Variants in RYR3 observed in about 807,000 individuals in gnomAD.
RYR3 encodes the protein brain ryanodine receptor-calcium release channel.
RYR3 carries 207 observed loss-of-function variants against 584.3 expected under a neutral mutation model. The observed-to-expected ratio is 0.35, with a 90% confidence interval of 0.32 to 0.40. RYR3 has a LOEUF of 0.40. RYR3 is among the 10% of genes least tolerant of loss of function. RYR3 has a pLI of 1.00. For missense variants in RYR3, 5,616 were observed against 6,089.2 expected (o/e 0.92, Z 2.59); for synonymous variants, 2,416 against 2,248.5 (o/e 1.07, Z -2.11).
chr15:33,430,174 C>A (rs2045010595), intron 1 of RYR3, among the ~76,000 whole-genome samples: 1 of 152,262 alleles, frequency 6.6e-6, no homozygotes, highest in African/African-American at 2.4e-5. Flanking sequence ...CAAAGCCAAA[C>A]ACTTATATCA....
At chr15:33,834,466 G>T (rs2077907468) in intron 86 of RYR3, among the ~76,000 whole-genome samples, 1 of 135,854 alleles carries the variant, frequency 7.4e-6, no homozygotes, top group African/African-American at 2.8e-5. Context: ...TTATTACACA[G>T]ATTTCTTTTC....
In RYR3 at chr15:33,738,482, G is replaced by C; in HGVS notation, c.7548G>C (p.Lys2516Asn). The change falls in exon 50 of 104, where the codon AAG (lysine) becomes AAC (asparagine). Residue 2516 changes from lysine to asparagine, a missense_variant. Coordinates refer to ENST00000634891, the MANE Select transcript of RYR3 (RefSeq NM_001036.6). Reference sequence around the variant, plus strand: ...CGAATCACTATGAACAGTGTTGGAAGTATTACTGCCTGCCTTCAGGATGGG... The same window carrying C: ...CGAATCACTATGAACAGTGTTGGAACTATTACTGCCTGCCTTCAGGATGGG... ...LLTNHYEQCW[K>N]YYCLPSGWGS... 1 of 1,613,960 alleles carries C rather than the reference G, an allele frequency of 6.2e-7. No individual in the cohort carries two copies.
At chr15:33,647,289 G>A in intron 29 of RYR3, 135 bp from the exon 30 acceptor site, 3 of 662,410 alleles carry the variant, frequency 4.5e-6, no homozygotes, top group South Asian at 1.9e-5. Context: ...AAGACTGGTT[G>A]CAATCACTTG....
intron 1 of RYR3, among the ~76,000 whole-genome samples, chr15:33,352,963 G>A (rs893815781): frequency 7.2e-5 from 11 of 152,052 alleles, no homozygotes; most frequent in East Asian, 1.9e-4. Context: ...AATCTACCCC[G>A]GACCTAACAT....
chr15:33,414,862 G>A (rs2043682479), intron 1 of RYR3, among the ~76,000 whole-genome samples: 1 of 152,178 alleles, frequency 6.6e-6, no homozygotes, highest in Non-Finnish European at 1.5e-5. Context: ...CAAAGTGCTG[G>A]GATTACAGGC....
intron 1 of RYR3, among the ~76,000 whole-genome samples, chr15:33,418,548 G>C (rs1344364190): frequency 1.3e-5 from 2 of 152,102 alleles, no homozygotes; most frequent in African/African-American, 4.8e-5. Flanking sequence ...CAGGTAGCAA[G>C]AGGAGGAAAG....
chr15:33,734,207 T>G (rs951437848), intron 48 of RYR3, among the ~76,000 whole-genome samples: 8 of 152,206 alleles, frequency 5.3e-5, no homozygotes, highest in Non-Finnish European at 8.8e-5. Context: ...ATTATGTTAC[T>G]GCTTCATTCA....
In RYR3 at chr15:33,864,149, TG is replaced by T. The variant is rs1889560467; in HGVS notation, c.14478del (p.Met4826IlefsTer3). On this transcript the variant is annotated frameshift_variant, in exon 103 of 104. Transcript: ENST00000634891. LOFTEE classifies it high-confidence loss of function. ...TTTCCTCGTTCCAGGTTCTTTCTGA[TG>T]TATTTGATTAATAAAGATGAAACAG... ...HNLANYLFFL[M>X]YLINKDETEH... The T allele has an allele frequency of 6.2e-7, 1 of 1,611,820 alleles. No individual in the cohort carries two copies. The highest frequency in any genetic ancestry group is 1.3e-5 in the African/African-American group (1 of 74,914).
chr15:33,323,299 G>A (rs1051475099), intron 1 of RYR3, among the ~76,000 whole-genome samples: 2 of 147,414 alleles, frequency 1.4e-5, no homozygotes, highest in South Asian at 2.1e-4. Context: ...TAGTAGAGAC[G>A]GGGTTTCACC....
At chr15:33,667,474 C>G (rs999598133) in intron 36 of RYR3, among the ~76,000 whole-genome samples, 14 of 152,126 alleles carry the variant, frequency 9.2e-5, no homozygotes, top group African/African-American at 3.1e-4. Context: ...TTTTTCATGT[C>G]ACATTACAGT....
At chr15:33,781,290 G>A (rs2074366338) in intron 65 of RYR3, among the ~76,000 whole-genome samples, 2 of 152,122 alleles carry the variant, frequency 1.3e-5, no homozygotes, top group East Asian at 3.9e-4. Flanking sequence ...CATCTATTCT[G>A]AAGCAAAAAT....
In RYR3 at chr15:33,756,379, TG is replaced by T; in HGVS notation, c.8583+8del. On this transcript the variant is annotated splice_region_variant and intron_variant, in intron 59 of 103. Transcript: ENST00000634891. ...AGATCAAATTCTTTGCCAAAGTAAG[TG>T]GCCCTGCACTTAATCAAATTACTTT... The T allele has an allele frequency of 3.2e-6, 5 of 1,564,044 alleles. No individual in the cohort carries two copies. The highest frequency in any genetic ancestry group is 4.3e-6 in the Non-Finnish European group (5 of 1,151,312).
At chr15:33,715,330 A>G (rs2067415818) in intron 43 of RYR3, among the ~76,000 whole-genome samples, 1 of 152,250 alleles carries the variant, frequency 6.6e-6, no homozygotes. Context: ...TTTTGTTCTC[A>G]AATTTATAAA....
At chr15:33,683,089 G>A (rs1407407137) in intron 38 of RYR3, among the ~76,000 whole-genome samples, 1 of 151,912 alleles carries the variant, frequency 6.6e-6, no homozygotes. Context: ...CCGCCTCCCG[G>A]GTTCATGCCA....
chr15:33,744,846 C>G (rs1029407631), intron 52 of RYR3, among the ~76,000 whole-genome samples: 2 of 152,228 alleles, frequency 1.3e-5, no homozygotes, highest in East Asian at 1.9e-4. Context: ...GTTTACAGGT[C>G]ATTTGAAAAC....
In RYR3 at chr15:33,663,556, A is replaced by G. The variant is rs372615267; in HGVS notation, c.5438A>G (p.Tyr1813Cys). 1.2e-6 allele frequency: 2 copies of G among 1,613,820 alleles called. No individual in the cohort carries two copies. The highest frequency in any genetic ancestry group is 1.1e-5 in the South Asian group (1 of 90,990). Reference protein sequence around the residue: ...VKLQMCELLSYLCDCELQHRV... With the variant: ...VKLQMCELLSCLCDCELQHRV... ...TTGCAGATGTGTGAGCTCCTCAGCT[A>G]TCTCTGCGACTGTGAGCTGCAGCAC... is the stretch of plus-strand genomic sequence containing the variant. Residue 1813 changes from tyrosine to cysteine, a missense_variant, in exon 36 of 104, where the codon TAT becomes TGT. Tyr to Cys is a radical substitution (Grantham distance 194). Coordinates refer to ENST00000634891, the MANE Select transcript of RYR3 (RefSeq NM_001036.6).
In RYR3 at chr15:33,556,953, G is replaced by T. The variant is rs142409206; in HGVS notation, c.973-5884G>T. Among the ~76,000 whole-genome samples, 513 of 151,928 alleles carry T rather than the reference G, an allele frequency of 3.4e-3. 3 individuals are homozygous for T. The highest frequency in any genetic ancestry group is 0.012 in the African/African-American group (489 of 41,418). On this transcript the variant is annotated intron_variant, in intron 10 of 103. Transcript: ENST00000634891. Reference sequence around the variant, plus strand: ...AACTCAAAATTTGTATGAACCTAAAGCCATTTTCTAATAGTAGTATATGTT... The same window carrying T: ...AACTCAAAATTTGTATGAACCTAAATCCATTTTCTAATAGTAGTATATGTT...
In RYR3 at chr15:33,674,203, A is replaced by G. The variant is rs140344640; in HGVS notation, c.5860+3647A>G. On this transcript the variant is annotated intron_variant, in intron 38 of 103. Coordinates refer to ENST00000634891, the MANE Select transcript of RYR3 (RefSeq NM_001036.6). ...TGTTTAGTGCTGAGAAGAAGAAAACATCTATACGAAATAAGTCCTAGCCCC... is the reference window on the plus strand; with the variant it reads ...TGTTTAGTGCTGAGAAGAAGAAAACGTCTATACGAAATAAGTCCTAGCCCC... Among the ~76,000 whole-genome samples the G allele has an allele frequency of 2.3e-3, 354 of 152,352 alleles. 1 individual carries two copies. The highest frequency in any genetic ancestry group is 8.0e-3 in the African/African-American group (331 of 41,592).
At chr15:33,489,514 C>T (rs1193053584) in intron 2 of RYR3, among the ~76,000 whole-genome samples, 1 of 152,236 alleles carries the variant, frequency 6.6e-6, no homozygotes, top group African/African-American at 2.4e-5. Context: ...CAGCTCCATC[C>T]ATGTTCCCAC....
Sources: gnomAD v4.1 joint callset for allele counts (sites outside exome capture counted in the v4.1 genomes callset) on GRCh38, gnomAD v4.1.1 for gene constraint, MANE v1.5 for transcripts, NCBI Gene and HGNC (gene_info 2026-07-23, HGNC 2026-07-21) for gene names.